Variants in PTK2B observed in about 807,000 individuals in gnomAD.
PTK2B encodes protein tyrosine kinase 2 beta.
In PTK2B, 71 loss-of-function variants were observed where a neutral mutation model predicts 142.9. The ratio of observed to expected loss-of-function variants is 0.50; its 90% confidence interval spans 0.41 to 0.61. The LOEUF is 0.61. Ranked by LOEUF, PTK2B falls within the 20% of genes least tolerant of loss-of-function variation. The pLI is 0.00. For missense variants in PTK2B, 1,105 were observed against 1,320.4 expected, an observed-to-expected ratio of 0.84 and a Z score of 2.53; for synonymous variants, 519 against 503.4, an observed-to-expected ratio of 1.03 and a Z score of -0.42.
At chr8:27,444,375 A>AC in intron 23 of PTK2B, 104 bp downstream of exon 23, 12 of 1,312,740 alleles carry the variant, frequency 9.1e-6, no homozygotes, top group Non-Finnish European at 1.3e-5. Context: ...CACTTGGGTG[A>AC]TGGAGATGGC....
chr8:27,398,256 A>C (rs1808183756), intron 2 of PTK2B, among the ~76,000 whole-genome samples: 1 of 152,222 alleles, frequency 6.6e-6, no homozygotes, highest in Non-Finnish European at 1.5e-5. Flanking sequence ...ATGACAATGA[A>C]GTAGAGGTGC....
chr8:27,433,317 C>A (rs1233451047), intron 10 of PTK2B, 118 bp from the exon 11 acceptor site: 11 of 837,114 alleles, frequency 1.3e-5, no homozygotes, highest in Non-Finnish European at 2.1e-5. Flanking sequence ...GAGGTGCAGA[C>A]AGCATTGGCA....
intron 26 of PTK2B, 42 bp downstream of exon 26, chr8:27,451,120 G>A (rs1391950901): frequency 6.3e-7 from 1 of 1,594,724 alleles, no homozygotes; most frequent in Admixed American, 1.7e-5. Flanking sequence ...GCCAAGGCCT[G>A]GGAAGGCCTC....
intron 5 of PTK2B, among the ~76,000 whole-genome samples, chr8:27,427,909 C>T (rs1810183700): frequency 6.6e-6 from 1 of 152,112 alleles, no homozygotes; most frequent in Admixed American, 6.5e-5. Context: ...TCCATGCACC[C>T]TGGTTGGGGT....
At chr8:27,456,587 C>T (rs757250261) in intron 30 of PTK2B, among the ~76,000 whole-genome samples, 2 of 152,128 alleles carry the variant, frequency 1.3e-5, no homozygotes, top group Admixed American at 6.5e-5. Flanking sequence ...AACCCTACAG[C>T]GGTCTCTGCA....
At chr8:27,352,458 G>A (rs1233362174) in intron 1 of PTK2B, among the ~76,000 whole-genome samples, 2 of 152,132 alleles carry the variant, frequency 1.3e-5, no homozygotes, top group Non-Finnish European at 2.9e-5. Context: ...TCTACTTAAC[G>A]TCTTCAGGGG....
upstream of PTK2B, chr8:27,311,363 C>T (rs1472499965): frequency 3.8e-5 from 46 of 1,218,946 alleles, no homozygotes; most frequent in Admixed American, 9.1e-4. Flanking sequence ...TGAGAGACAG[C>T]GGCGCTGGCC....
At chr8:27,328,085 A>G (rs1366929052) in intron 1 of PTK2B, among the ~76,000 whole-genome samples, 2 of 152,148 alleles carry the variant, frequency 1.3e-5, no homozygotes, top group Non-Finnish European at 2.9e-5. Context: ...AGTCTGCATT[A>G]TGTTTTTAGC....
At chr8:27,346,381 A>G (rs1388009072) in intron 1 of PTK2B, among the ~76,000 whole-genome samples, 1 of 152,208 alleles carries the variant, frequency 6.6e-6, no homozygotes, top group Non-Finnish European at 1.5e-5. Context: ...CACAAAAAAA[A>G]TACAAAATAC....
intron 1 of PTK2B, among the ~76,000 whole-genome samples, chr8:27,355,386 A>G (rs1467942830): frequency 5.3e-5 from 8 of 152,166 alleles, no homozygotes; most frequent in Admixed American, 2.0e-4. Context: ...GGTTTTGAAG[A>G]TGGAGGAAGG....
At chr8:27,435,338 C>T (rs914254020) in intron 13 of PTK2B, among the ~76,000 whole-genome samples, 1 of 152,256 alleles carries the variant, frequency 6.6e-6, no homozygotes, top group African/African-American at 2.4e-5. Context: ...AAGGCCCCAC[C>T]TCCTAATCCC....
At chr8:27,400,930 G>T (rs1467864583) in intron 2 of PTK2B, among the ~76,000 whole-genome samples, 1 of 152,102 alleles carries the variant, frequency 6.6e-6, no homozygotes, top group East Asian at 1.9e-4. Context: ...GATCCAGCAC[G>T]AGGTCAGGCG....
chr8:27,358,672 T>G (rs889366721), intron 1 of PTK2B, among the ~76,000 whole-genome samples: 17 of 152,176 alleles, frequency 1.1e-4, no homozygotes, highest in African/African-American at 4.1e-4. Flanking sequence ...TTCTAATATA[T>G]TTAGTATATG....
At chr8:27,340,567 A>G (rs1338051377) in intron 1 of PTK2B, among the ~76,000 whole-genome samples, 1 of 152,226 alleles carries the variant, frequency 6.6e-6, no homozygotes, top group East Asian at 1.9e-4. Flanking sequence ...GCAATAGGAT[A>G]GATAGGATAG....
intron 2 of PTK2B, among the ~76,000 whole-genome samples, chr8:27,406,324 A>C (rs1737202726): frequency 6.6e-6 from 1 of 152,024 alleles, no homozygotes; most frequent in South Asian, 2.1e-4. Context: ...TCACATTCAC[A>C]GATTCTGGGG....
At chr8:27,453,884 A>G in intron 28 of PTK2B, 1 of 417,650 alleles carries the variant, frequency 2.4e-6, no homozygotes, top group Non-Finnish European at 4.3e-6. Flanking sequence ...TTCAAAGAAA[A>G]AAAGCCTGCC....
chr8:27,440,089 A>G (rs1235434389), intron 20 of PTK2B, 148 bp from the exon 21 acceptor site: 3 of 773,952 alleles, frequency 3.9e-6, no homozygotes, highest in African/African-American at 1.7e-5. Flanking sequence ...GCAGACCACC[A>G]TGGTAGGCAG....
chr8:27,324,010 A>G (rs940863898), upstream of PTK2B, among the ~76,000 whole-genome samples: 1 of 152,212 alleles, frequency 6.6e-6, no homozygotes, highest in African/African-American at 2.4e-5. Flanking sequence ...CAGACTCTCA[A>G]CAACTCACCC....
chr8:27,322,689 A>C (rs537126692), upstream of PTK2B: 1 of 152,238 alleles, frequency 6.6e-6, no homozygotes, highest in Non-Finnish European at 1.5e-5. Context: ...AAGCTCAGAA[A>C]GATGGATTCG....
Sources: gnomAD v4.1 joint callset for allele counts (sites outside exome capture counted in the v4.1 genomes callset) on GRCh38, gnomAD v4.1.1 for gene constraint, MANE v1.5 for transcripts, NCBI Gene and HGNC (gene_info 2026-07-23, HGNC 2026-07-21) for gene names.